Variants in SHROOM4 observed in about 807,000 individuals in gnomAD.
The protein encoded by SHROOM4 is shroom family member 4.
A neutral mutation model predicts 80.3 loss-of-function variants in SHROOM4; 17 were observed. The ratio of observed to expected loss-of-function variants is 0.21; its 90% CI spans 0.14 to 0.32. The LOEUF is 0.32. Ranked by LOEUF, SHROOM4 falls within the 10% of genes least tolerant of loss-of-function variation. The probability of loss-of-function intolerance (pLI) is 1.00; values close to 1 mark genes in which losing one functional copy is unlikely to be tolerated. For synonymous variants in SHROOM4, 400 were observed against 437.5 expected (o/e 0.91, Z 1.07); for missense variants, 993 against 1,140.3 (o/e 0.87, Z 1.86).
rs782473234 is a variant in SHROOM4, at chrX:50,634,288, T to C, written c.1785A>G (p.Glu595=). The C allele has an allele frequency of 1.2e-5, 15 of 1,209,173 alleles. No individual in the cohort carries two copies. In the Admixed American group the frequency reaches 3.3e-4, roughly 26 times the overall value. The change falls in exon 4 of 9, where the codon GAA becomes GAG. Residue 595 remains glutamate (E), a synonymous_variant. Coordinates refer to ENST00000376020, the MANE Select transcript of SHROOM4 (RefSeq NM_020717.5). ...SERFATNLRN[E]IQRRKAQLQK... is the part of the protein sequence containing the mutation. ...GGAGCTGGGCCTTCCTCCTCTGAAT[T>C]TCATTACGCAGATTGGTAGCAAAAC...
chrX:50,759,930 A>G (rs1557268712), intron 1 of SHROOM4, among the ~76,000 whole-genome samples: 1 of 111,813 alleles, frequency 8.9e-6, no homozygotes, highest in Non-Finnish European at 1.9e-5. Context: ...TTTACTGCAT[A>G]TGATTTCTAT....
chrX:50,669,366 G>A (rs782230879), intron 2 of SHROOM4, among the ~76,000 whole-genome samples: 1 of 111,582 alleles, frequency 9.0e-6, no homozygotes, highest in South Asian at 3.8e-4. Flanking sequence ...GTGCAGTGGC[G>A]TGATCACAGC....
Position 50,660,931 on chromosome X carries a change from GT to G in SHROOM4, c.270-22624del, listed in dbSNP as rs1452848621. 8.1e-4 allele frequency among the ~76,000 whole-genome samples: 89 copies of G among 109,942 alleles called. 3 individuals are homozygous for G. Among genetic ancestry groups the G allele is most frequent in the Non-Finnish European group, 5.7e-5 (3 of 52,755 alleles). ...TGTGCCAACAGAGTATCTTTCATTT[GT>G]TTTTATAAGCCCACTTTCTTTTTGT... On this transcript the variant is annotated intron_variant, in intron 2 of 8. Coordinates refer to ENST00000376020, the MANE Select transcript of SHROOM4 (RefSeq NM_020717.5).
chrX:50,711,829 G>T (rs1183674027), intron 1 of SHROOM4, among the ~76,000 whole-genome samples: 1 of 111,908 alleles, frequency 8.9e-6, no homozygotes, highest in Non-Finnish European at 1.9e-5. Context: ...AAAAAATTTG[G>T]ATTTTTATTG....
intron 2 of SHROOM4, among the ~76,000 whole-genome samples, chrX:50,679,637 A>G (rs1932901534): frequency 9.0e-6 from 1 of 111,586 alleles, no homozygotes; most frequent in African/African-American, 3.3e-5. Flanking sequence ...ATACATAATG[A>G]TCAAATCAGA....
intron 1 of SHROOM4, among the ~76,000 whole-genome samples, chrX:50,808,708 T>G (rs1936275045): frequency 9.0e-6 from 1 of 110,843 alleles, no homozygotes; most frequent in African/African-American, 3.3e-5. Flanking sequence ...GAGTCTCTCT[T>G]TTTTCTTTAA....
At chrX:50,622,233 A>G (rs1422967566) in intron 5 of SHROOM4, among the ~76,000 whole-genome samples, 1 of 111,699 alleles carries the variant, frequency 9.0e-6, no homozygotes, top group Non-Finnish European at 1.9e-5. Flanking sequence ...CTCATCAGTA[A>G]AACGGGAAAA....
At chrX:50,656,097 A>C (rs782247248) in intron 2 of SHROOM4, among the ~76,000 whole-genome samples, 1 of 111,649 alleles carries the variant, frequency 9.0e-6, no homozygotes, top group South Asian at 3.7e-4. Flanking sequence ...CCCATTTTGT[A>C]ATCAAGTTAT....
the SHROOM4 span, among the ~76,000 whole-genome samples, chrX:50,577,612 A>G: frequency 8.9e-6 from 1 of 112,272 alleles, no homozygotes; most frequent in Non-Finnish European, 1.9e-5. Flanking sequence ...TGGAAGCAGC[A>G]GTGAGAGGAT....
At chrX:50,624,923 GAC>G (rs781795186) in intron 5 of SHROOM4, among the ~76,000 whole-genome samples, 5 of 111,487 alleles carry the variant, frequency 4.5e-5, no homozygotes, top group Admixed American at 3.8e-4. Context: ...ATATTAATTA[GAC>G]ACACAAAATA....
intron 2 of SHROOM4, among the ~76,000 whole-genome samples, chrX:50,655,962 G>A (rs1932293124): frequency 9.0e-6 from 1 of 111,367 alleles, no homozygotes; most frequent in Non-Finnish European, 1.9e-5. Context: ...ACATATGTGA[G>A]GTGATATGTC....
At chrX:50,804,404 AATAG>A (rs1569549321) in intron 1 of SHROOM4, among the ~76,000 whole-genome samples, 1 of 111,984 alleles carries the variant, frequency 8.9e-6, no homozygotes, top group Non-Finnish European at 1.9e-5. Context: ...ACCTCTGAGG[AATAG>A]ATACTCATAA....
chrX:50,589,850 C>T lies in SHROOM4; in HGVS notation c.*6845G>A, dbSNP rs182239901. 2.7e-5 allele frequency among the ~76,000 whole-genome samples: 3 copies of T among 112,219 alleles called. No homozygotes were observed. The highest frequency in any genetic ancestry group is 5.6e-5 in the Non-Finnish European group (3 of 53,236). On this transcript the variant is annotated 3_prime_UTR_variant, in exon 9 of 9. Coordinates refer to ENST00000376020, the MANE Select transcript of SHROOM4 (RefSeq NM_020717.5). ...CTATGTTTAACATTTGGAGAAACTGCCAAGCTGTTTTTCAATGAGGTTGCA... is the reference window on the plus strand; with the variant it reads ...CTATGTTTAACATTTGGAGAAACTGTCAAGCTGTTTTTCAATGAGGTTGCA...
chrX:50,744,469 A>G (rs1569548422), intron 1 of SHROOM4, among the ~76,000 whole-genome samples: 3 of 111,846 alleles, frequency 2.7e-5, no homozygotes, highest in Non-Finnish European at 3.8e-5. Flanking sequence ...CTTCATTGAT[A>G]TTCTTTATTT....
Position 50,595,575 on chromosome X carries a change from T to C in SHROOM4, c.*1120A>G. ...CTGGGGAATGCTAAACTCAAGTCAC[T>C]TAGACTTTAAGGGAAGCACAAGGCC... On this transcript the variant is annotated 3_prime_UTR_variant, in exon 9 of 9. Transcript: ENST00000376020. The C allele has an allele frequency of 4.6e-6, 1 of 216,515 alleles. No individual in the cohort carries two copies. The highest frequency in any genetic ancestry group is 8.6e-6 in the Non-Finnish European group (1 of 116,500). 17.8% of individuals were successfully genotyped at this position (216,515 alleles called of 1,213,427 possible).
chrX:50,795,114 G>C (rs868961435), intron 1 of SHROOM4, among the ~76,000 whole-genome samples: 2 of 50,486 alleles, frequency 4.0e-5, no homozygotes, highest in African/African-American at 3.1e-4. Flanking sequence ...ATATATATAT[G>C]ATATATATAT....
At chrX:50,770,422 C>T (rs782775872) in intron 1 of SHROOM4, among the ~76,000 whole-genome samples, 116 of 112,067 alleles carry the variant, frequency 1.0e-3, no homozygotes, top group African/African-American at 3.6e-3. Flanking sequence ...ATAAGTCCAA[C>T]ATACTGTGTT....
intron 1 of SHROOM4, among the ~76,000 whole-genome samples, chrX:50,774,122 C>A (rs1300870973): frequency 1.8e-5 from 2 of 111,685 alleles, no homozygotes; most frequent in African/African-American, 6.5e-5. Context: ...AAGGCATCCA[C>A]ATGAACATCA....
intron 1 of SHROOM4, among the ~76,000 whole-genome samples, chrX:50,737,519 A>G (rs1934524428): frequency 9.0e-6 from 1 of 111,662 alleles, no homozygotes; most frequent in African/African-American, 3.3e-5. Flanking sequence ...AGAAAGATGT[A>G]CCACGCAGAG....
Sources: allele counts gnomAD v4.1 joint callset (sites outside exome capture counted in the v4.1 genomes callset), GRCh38; gene constraint gnomAD v4.1.1; transcripts MANE v1.5; gene names NCBI Gene and HGNC (gene_info 2026-07-23, HGNC 2026-07-21).